The following NIPAL2 variants were observed in gnomAD, a reference collection of about 807,000 sequenced individuals.
NIPAL2 encodes the protein NIPA like domain containing 2.
NIPAL2 carries 43 observed loss-of-function variants against 48.9 expected under a neutral mutation model. That is an observed-to-expected ratio of 0.88 (90% CI 0.69 to 1.13). The LOEUF is 1.13. Ranked by LOEUF, NIPAL2 falls within the 50% of genes most tolerant of loss-of-function variation. NIPAL2 has a pLI of 0.00. For synonymous variants in NIPAL2, 167 were observed against 174.6 expected, an observed-to-expected ratio of 0.96 and a Z score of 0.34; for missense variants, 446 against 461.4, an observed-to-expected ratio of 0.97 and a Z score of 0.31.
intron 1 of NIPAL2, among the ~76,000 whole-genome samples, chr8:98,279,671 A>G (rs1452144485): frequency 2.0e-5 from 3 of 152,240 alleles, no homozygotes; most frequent in African/African-American, 4.8e-5. Flanking sequence ...AATGCAATAG[A>G]TAACTTTTTG....
chr8:98,192,669 G>A lies in NIPAL2; in HGVS notation c.*309C>T, dbSNP rs777243667. 3 of 293,238 alleles carry A rather than the reference G, an allele frequency of 1.0e-5. No individual in the cohort carries two copies. The highest frequency in any genetic ancestry group is 4.2e-5 in the African/African-American group (2 of 47,332). 18.2% of individuals were successfully genotyped at this position (293,238 alleles called of 1,614,324 possible). On this transcript the variant is annotated 3_prime_UTR_variant, in exon 11 of 11. Transcript: ENST00000430223. ...CACCTATGCGACCTGTGGCCAAACC[G>A]CAAATGTATGTTTCTGTGCAACATT...
intron 1 of NIPAL2, among the ~76,000 whole-genome samples, chr8:98,284,420 A>T (rs62524196): frequency 0.034 from 1,315 of 38,450 alleles, 8 homozygotes; most frequent in African/African-American, 0.16. Flanking sequence ...TCTCTCTCTC[A>T]CACACACACA....
At chr8:98,266,775 C>G (rs531274614) in intron 1 of NIPAL2, among the ~76,000 whole-genome samples, 16 of 151,152 alleles carry the variant, frequency 1.1e-4, no homozygotes, top group African/African-American at 3.9e-4. Context: ...CATGTAAATG[C>G]TAAAAAAAAA....
intron 3 of NIPAL2, among the ~76,000 whole-genome samples, chr8:98,239,825 T>C (rs1812896256): frequency 2.0e-5 from 3 of 152,214 alleles, no homozygotes; most frequent in Non-Finnish European, 4.4e-5. Flanking sequence ...ATGAGAGCTG[T>C]GTTGAGCAAA....
At chr8:98,264,771 A>G (rs1401487152) in intron 1 of NIPAL2, among the ~76,000 whole-genome samples, 1 of 152,126 alleles carries the variant, frequency 6.6e-6, no homozygotes, top group Non-Finnish European at 1.5e-5. Context: ...ATAGAATTGG[A>G]AAAAACTACT....
At position 98,255,299 on chromosome 8, in the gene NIPAL2, A is replaced by G. The variant is rs184645664; in HGVS notation, c.136-1212T>C. Among the ~76,000 whole-genome samples, 17 of 152,326 alleles carry G rather than the reference A, an allele frequency of 1.1e-4. No homozygotes were observed. The East Asian group carries it at 3.1e-3, about 28-fold the overall frequency. On this transcript the variant is annotated intron_variant, in intron 1 of 10. Coordinates refer to ENST00000430223, the MANE Select transcript of NIPAL2 (RefSeq NM_001321635.2). ...TAGGTCCAAAAGTATAATATCTGCTATTAGTGTAAATTAGCAATGATACAA... is the reference window on the plus strand; with the variant it reads ...TAGGTCCAAAAGTATAATATCTGCTGTTAGTGTAAATTAGCAATGATACAA...
At chr8:98,236,243 T>C (rs747164286) in intron 3 of NIPAL2, 29 bp from the exon 4 acceptor site, 1 of 1,509,564 alleles carries the variant, frequency 6.6e-7, no homozygotes, top group African/African-American at 1.4e-5. Flanking sequence ...TTAGTGGTAG[T>C]TCCAATATAA....
At chr8:98,234,574 T>C (rs1410432424) in intron 4 of NIPAL2, among the ~76,000 whole-genome samples, 2 of 151,984 alleles carry the variant, frequency 1.3e-5, no homozygotes, top group African/African-American at 2.4e-5. Flanking sequence ...TGAGATAGAG[T>C]CTCACTCCGG....
chr8:98,238,980 C>T (rs1812854318), intron 3 of NIPAL2, among the ~76,000 whole-genome samples: 1 of 152,122 alleles, frequency 6.6e-6, no homozygotes. Context: ...CAATCACAGA[C>T]TTCCTGTGTA....
intron 8 of NIPAL2, among the ~76,000 whole-genome samples, chr8:98,196,298 G>A (rs977774245): frequency 2.0e-5 from 3 of 152,190 alleles, no homozygotes; most frequent in African/African-American, 7.2e-5. Flanking sequence ...TTGCCCAACT[G>A]GAACATACAA....
intron 1 of NIPAL2, among the ~76,000 whole-genome samples, chr8:98,274,686 T>A (rs904006765): frequency 2.6e-5 from 4 of 152,054 alleles, no homozygotes; most frequent in African/African-American, 7.2e-5. Context: ...GTTGGATCTC[T>A]TATATATAGA....
intron 4 of NIPAL2, among the ~76,000 whole-genome samples, chr8:98,222,962 G>T (rs543733802): frequency 1.3e-5 from 2 of 152,312 alleles, no homozygotes; most frequent in African/African-American, 4.8e-5. Context: ...GTCAGTAAGT[G>T]CATGATGGAT....
Position 98,195,980 on chromosome 8 carries a change from A to T in NIPAL2, c.906T>A (p.Leu302=), listed in dbSNP as rs772141495. The change falls in exon 9 of 11, where the codon CTT becomes CTA. Residue 302 remains leucine (L), a synonymous_variant. Transcript: ENST00000430223. ...IAGIIFYQEF[L]GAPFLTVFIY... ...TAAATACAGTGAGAAAAGGAGCACCAAGGAATTCCTGATAAAATATGATAC... is the reference window on the plus strand; with the variant it reads ...TAAATACAGTGAGAAAAGGAGCACCTAGGAATTCCTGATAAAATATGATAC... 1 of 1,588,920 alleles carries T rather than the reference A, an allele frequency of 6.3e-7. No homozygotes were observed. The highest frequency in any genetic ancestry group is 1.7e-5 in the Admixed American group (1 of 58,616).
intron 1 of NIPAL2, among the ~76,000 whole-genome samples, chr8:98,267,096 A>G (rs916616610): frequency 2.6e-5 from 4 of 152,200 alleles, no homozygotes; most frequent in Non-Finnish European, 4.4e-5. Context: ...TGTTATTGCA[A>G]CATTCATTTT....
chr8:98,267,607 A>T (rs1814850515), intron 1 of NIPAL2, among the ~76,000 whole-genome samples: 1 of 152,178 alleles, frequency 6.6e-6, no homozygotes, highest in African/African-American at 2.4e-5. Context: ...GGCATGAGCC[A>T]CTGCACCTGG....
intron 3 of NIPAL2, among the ~76,000 whole-genome samples, chr8:98,244,274 G>A (rs569599171): frequency 1.4e-5 from 2 of 144,578 alleles, no homozygotes; most frequent in African/African-American, 5.2e-5. Flanking sequence ...GACGGTGGGC[G>A]TGGTGATGAG....
At position 98,242,488 on chromosome 8, in the gene NIPAL2, A is replaced by ATTTTTTGTTTT. The variant is rs774556900; in HGVS notation, c.377-6275_377-6274insAAAACAAAAAA. 8.2e-4 allele frequency among the ~76,000 whole-genome samples: 97 copies of ATTTTTTGTTTT among 117,778 alleles called. 10 individuals are homozygous for ATTTTTTGTTTT. Among genetic ancestry groups the ATTTTTTGTTTT allele is most frequent in the South Asian group, 1.1e-3 (4 of 3,618 alleles). The allele number at this position is 117,778 out of a possible 152,430, so 77.3% of individuals were successfully genotyped here. On this transcript the variant is annotated intron_variant, in intron 3 of 10. Transcript: ENST00000430223. ...AGGCAAAAGCCACTGCACCTGACAG[A>ATTTTTTGTTTT]TTTTTTTTTTTTTTTTTTTAACTGA...
intron 3 of NIPAL2, among the ~76,000 whole-genome samples, chr8:98,247,844 C>T (rs1216117062): frequency 6.6e-6 from 1 of 152,208 alleles, no homozygotes; most frequent in African/African-American, 2.4e-5. Flanking sequence ...TTATTACAAA[C>T]TCCACAGAAT....
rs1209186975 is a variant in NIPAL2 at position 98,252,781 on chromosome 8, A to G, written c.205-147T>C. 5 of 664,578 alleles carry G rather than the reference A, an allele frequency of 7.5e-6. No homozygotes were observed. In the East Asian group the frequency reaches 1.2e-4, roughly 16 times the overall value. The allele number at this position is 664,578 out of a possible 1,614,324, so 41.2% of individuals were successfully genotyped here. ...TTTAAGAACGAATACATTTTTGGGGAATTATTGAAAATTATATTAGGTCAT... is the reference window on the plus strand; with the variant it reads ...TTTAAGAACGAATACATTTTTGGGGGATTATTGAAAATTATATTAGGTCAT... On this transcript the variant is annotated intron_variant, in intron 2 of 10. Coordinates refer to ENST00000430223, the MANE Select transcript of NIPAL2 (RefSeq NM_001321635.2).
Sources: gnomAD v4.1 joint callset for allele counts (sites outside exome capture counted in the v4.1 genomes callset) on GRCh38, gnomAD v4.1.1 for gene constraint, MANE v1.5 for transcripts, NCBI Gene and HGNC (gene_info 2026-07-23, HGNC 2026-07-21) for gene names.